CEP112: variants seen among roughly 807,000 people sequenced by gnomAD.
CEP112 encodes centrosomal protein 112, also known as centrosomal protein of 112 kDa.
CEP112 carries 127 observed loss-of-function variants against 153.0 expected under a neutral mutation model. The ratio of observed to expected loss-of-function variants is 0.83; its 90% confidence interval spans 0.72 to 0.96. CEP112 has a LOEUF of 0.96. Among genes scored for constraint, CEP112 ranks in the 40% least tolerant of loss-of-function variants. CEP112 has a pLI of 0.00. For synonymous variants in CEP112, 358 were observed against 374.4 expected (o/e 0.96, Z 0.51); for missense variants, 1,089 against 1,101.2 (o/e 0.99, Z 0.16).
At chr17:65,794,138 C>T (rs555512376) in intron 21 of CEP112, among the ~76,000 whole-genome samples, 73 of 152,280 alleles carry the variant, frequency 4.8e-4, no homozygotes, top group Admixed American at 9.2e-4. Flanking sequence ...AGAAGTTACA[C>T]TCCGATGGGG....
chr17:65,685,667 AT>A (rs556118592), intron 24 of CEP112, among the ~76,000 whole-genome samples: 1,502 of 105,232 alleles, frequency 0.014, 7 homozygotes, highest in African/African-American at 0.036. Context: ...AATAGTTCTA[AT>A]TTTTTTTTTT....
At chr17:65,784,193 G>T (rs2054150029) in intron 21 of CEP112, among the ~76,000 whole-genome samples, 2 of 152,196 alleles carry the variant, frequency 1.3e-5, no homozygotes, top group African/African-American at 4.8e-5. Context: ...CTGAAATCCT[G>T]GAGGTGAACT....
At chr17:66,015,976 A>T (rs754337752) in intron 16 of CEP112, among the ~76,000 whole-genome samples, 1 of 152,112 alleles carries the variant, frequency 6.6e-6, no homozygotes, top group Non-Finnish European at 1.5e-5. Flanking sequence ...CCTTGCCTTC[A>T]TATCGCTGAT....
intron 24 of CEP112, among the ~76,000 whole-genome samples, chr17:65,687,201 C>T (rs1017839308): frequency 4.4e-5 from 5 of 114,366 alleles, no homozygotes; most frequent in African/African-American, 1.8e-4. Context: ...GAGTCTTGCT[C>T]TGTCTCCTAG....
chr17:66,082,289 T>C lies in CEP112; in HGVS notation c.769-12288A>G, dbSNP rs77763903. Reference sequence around the variant, plus strand: ...CTTGATGATGCTCACTGTCACACAATTCTGTGATGTGGATATCAGAGAAAA... The same window carrying C: ...CTTGATGATGCTCACTGTCACACAACTCTGTGATGTGGATATCAGAGAAAA... On this transcript the variant is annotated intron_variant, in intron 8 of 26. Coordinates refer to ENST00000535342, the MANE Select transcript of CEP112 (RefSeq NM_001199165.4). Among the ~76,000 whole-genome samples, 559 of 152,284 alleles carry C rather than the reference T, an allele frequency of 3.7e-3. 6 individuals carry two copies. Among genetic ancestry groups the C allele is most frequent in the African/African-American group, 0.013 (541 of 41,572 alleles).
chr17:66,125,595 CTAGAT>C (rs1356455761), intron 6 of CEP112, among the ~76,000 whole-genome samples: 1 of 151,928 alleles, frequency 6.6e-6, no homozygotes, highest in African/African-American at 2.4e-5. Context: ...TAAAATAAAA[CTAGAT>C]AAGACAGCTG....
At chr17:65,971,168 T>C (rs2062761547) in intron 17 of CEP112, among the ~76,000 whole-genome samples, 1 of 55,016 alleles carries the variant, frequency 1.8e-5, no homozygotes, top group South Asian at 1.3e-3. Flanking sequence ...ACATTACATG[T>C]ACAGCACATG....
At chr17:65,943,434 T>C (rs1183219008) in intron 18 of CEP112, among the ~76,000 whole-genome samples, 1 of 152,228 alleles carries the variant, frequency 6.6e-6, no homozygotes, top group African/African-American at 2.4e-5. Context: ...CATATCTATT[T>C]GTCTGAAAAG....
chr17:66,154,484 C>T (rs2071351683), intron 4 of CEP112, among the ~76,000 whole-genome samples: 1 of 152,026 alleles, frequency 6.6e-6, no homozygotes, highest in Non-Finnish European at 1.5e-5. Flanking sequence ...CACTGCACTC[C>T]AGTCTAGGTG....
At chr17:65,745,527 T>A (rs9652864) in intron 22 of CEP112, among the ~76,000 whole-genome samples, 30,500 of 152,148 alleles carry the variant, frequency 0.2, 3,483 homozygotes, top group South Asian at 0.33. Flanking sequence ...TAATATGAAA[T>A]TTAAGATTGA....
At chr17:65,712,550 G>A (rs190314454) in intron 23 of CEP112, among the ~76,000 whole-genome samples, 41 of 151,526 alleles carry the variant, frequency 2.7e-4, no homozygotes, top group Admixed American at 2.4e-3. Context: ...GGCTATTCGC[G>A]TCACTATCCT....
intron 24 of CEP112, among the ~76,000 whole-genome samples, chr17:65,652,412 T>C (rs1486396019): frequency 1.3e-5 from 2 of 152,098 alleles, no homozygotes; most frequent in African/African-American, 2.4e-5. Flanking sequence ...TTTTTATAAG[T>C]TGCACATAAT....
chr17:65,788,286 T>G (rs1375962035), intron 21 of CEP112, among the ~76,000 whole-genome samples: 1 of 152,230 alleles, frequency 6.6e-6, no homozygotes, highest in Non-Finnish European at 1.5e-5. Context: ...AACATTTTTA[T>G]GTACTGCTAG....
chr17:65,936,644 A>C (rs2061315199), intron 18 of CEP112, among the ~76,000 whole-genome samples: 2 of 151,608 alleles, frequency 1.3e-5, no homozygotes, highest in Non-Finnish European at 2.9e-5. Flanking sequence ...CAAATCAATA[A>C]ATGTTAGACA....
chr17:66,129,845 G>A (rs748264808), intron 5 of CEP112, 22 bp from the exon 6 acceptor site: 3 of 1,487,220 alleles, frequency 2.0e-6, no homozygotes, highest in South Asian at 1.2e-5. Context: ...AAGGGAAAAA[G>A]GAAGAGGAGA....
chr17:65,978,361 G>A (rs1301851841), intron 17 of CEP112, among the ~76,000 whole-genome samples: 2 of 152,176 alleles, frequency 1.3e-5, no homozygotes, highest in African/African-American at 4.8e-5. Context: ...GTGACATAAA[G>A]GTAAACATTG....
chr17:65,927,225 C>T lies in CEP112; in HGVS notation c.1980+357G>A, dbSNP rs193192575. On this transcript the variant is annotated intron_variant, in intron 19 of 26. Transcript: ENST00000535342. ...AGGTGCCTGCTTCTGCTTCCTTCTG[C>T]CATGATTGGGAGCTTCTTGAGGCCT... 6.6e-5 allele frequency among the ~76,000 whole-genome samples: 10 copies of T among 152,252 alleles called. No individual in the cohort carries two copies. In the East Asian group the frequency reaches 1.9e-3, roughly 29 times the overall value.
At chr17:65,707,333 T>C (rs2144668722) in intron 23 of CEP112, among the ~76,000 whole-genome samples, 1 of 152,278 alleles carries the variant, frequency 6.6e-6, no homozygotes, top group Middle Eastern at 3.4e-3. Context: ...TCTCCATCTC[T>C]AGTACTACCT....
chr17:66,052,486 C>T (rs1306626382), intron 12 of CEP112, among the ~76,000 whole-genome samples: 2 of 152,100 alleles, frequency 1.3e-5, no homozygotes, highest in African/African-American at 4.8e-5. Flanking sequence ...CTTCCCCAGA[C>T]CTAGACTCCA....
Sources: allele counts gnomAD v4.1 joint callset (sites outside exome capture counted in the v4.1 genomes callset), GRCh38; gene constraint gnomAD v4.1.1; transcripts MANE v1.5; gene names NCBI Gene and HGNC (gene_info 2026-07-23, HGNC 2026-07-21).